The following DCC variants were observed in gnomAD, a reference collection of about 807,000 sequenced individuals.
DCC encodes DCC netrin 1 receptor.
DCC carries 58 observed loss-of-function variants against 172.5 expected under a neutral mutation model. That is an observed-to-expected ratio of 0.34 (90% CI 0.27 to 0.42). The LOEUF is 0.42. Among genes scored for constraint, DCC ranks in the 10% least tolerant of loss-of-function variants. DCC has a pLI of 1.00. For synonymous variants in DCC, 709 were observed against 644.5 expected (o/e 1.10, Z -1.52); for missense variants, 1,740 against 1,791.0 (o/e 0.97, Z 0.51).
intron 28 of DCC, among the ~76,000 whole-genome samples, chr18:53,529,169 G>A (rs369107305): frequency 1.3e-5 from 2 of 151,860 alleles, no homozygotes; most frequent in East Asian, 1.9e-4. Context: ...GTGTATGCCC[G>A]AATCATTCAC....
chr18:53,495,225 C>G (rs1166601233), intron 26 of DCC, among the ~76,000 whole-genome samples: 1 of 151,952 alleles, frequency 6.6e-6, no homozygotes, highest in East Asian at 1.9e-4. Flanking sequence ...AACCCCATTT[C>G]TACTAAAAAT....
At chr18:52,743,019 A>G (rs1187925367) in intron 1 of DCC, among the ~76,000 whole-genome samples, 1 of 152,216 alleles carries the variant, frequency 6.6e-6, no homozygotes, top group East Asian at 1.9e-4. Flanking sequence ...TTATTATGAT[A>G]TATGATTTTA....
intron 9 of DCC, among the ~76,000 whole-genome samples, chr18:53,195,833 A>G (rs1405784937): frequency 1.3e-5 from 2 of 152,106 alleles, no homozygotes; most frequent in African/African-American, 4.8e-5. Flanking sequence ...TGGAATTCCT[A>G]TATGTTTGGT....
rs16955813 is a variant in DCC at position 52,899,834 on chromosome 18, T to C, written c.413-6210T>C. ...TCTTTATGCTTTCCTAGTTATTGCT[T>C]GTGTTTCCTAAACTTTCCAATATTT... is the stretch of plus-strand genomic sequence containing the variant. On this transcript the variant is annotated intron_variant, in intron 2 of 28. Coordinates refer to ENST00000442544, the MANE Select transcript of DCC (RefSeq NM_005215.4). Among the ~76,000 whole-genome samples the C allele has an allele frequency of 2.1e-3, 313 of 152,256 alleles. 1 individual carries two copies. The highest frequency in any genetic ancestry group is 7.4e-3 in the African/African-American group (306 of 41,552).
chr18:52,736,765 C>A (rs532413722), intron 1 of DCC, among the ~76,000 whole-genome samples: 1 of 151,994 alleles, frequency 6.6e-6, no homozygotes, highest in African/African-American at 2.4e-5. Flanking sequence ...ATGACATTGA[C>A]GTAATATGAG....
intron 1 of DCC, among the ~76,000 whole-genome samples, chr18:52,343,884 G>C (rs1312596024): frequency 2.6e-5 from 4 of 152,324 alleles, no homozygotes; most frequent in Admixed American, 2.6e-4. Flanking sequence ...GTATGGCAGA[G>C]CCTGAGGGCT....
intron 12 of DCC, among the ~76,000 whole-genome samples, chr18:53,303,049 C>A (rs1380450161): frequency 6.6e-6 from 1 of 152,072 alleles, no homozygotes; most frequent in South Asian, 2.1e-4. Flanking sequence ...GTCATTTTAT[C>A]ATTTTTGCTA....
intron 1 of DCC, among the ~76,000 whole-genome samples, chr18:52,573,779 G>A (rs1341722068): frequency 6.6e-6 from 1 of 152,186 alleles, no homozygotes; most frequent in Admixed American, 6.5e-5. Context: ...AAGAAATTAA[G>A]TAACTGTATT....
At chr18:52,960,538 A>G (rs112185427) in intron 5 of DCC, among the ~76,000 whole-genome samples, 4 of 152,124 alleles carry the variant, frequency 2.6e-5, no homozygotes, top group Non-Finnish European at 4.4e-5. Context: ...AAAATTGACC[A>G]TGGTTCATCA....
At chr18:53,053,273 A>T (rs997409616) in intron 5 of DCC, among the ~76,000 whole-genome samples, 3 of 152,158 alleles carry the variant, frequency 2.0e-5, no homozygotes, top group African/African-American at 7.2e-5. Context: ...CTTTCCCCCA[A>T]ATTTCAGGAA....
At chr18:53,431,220 A>G (rs568109793) in intron 21 of DCC, among the ~76,000 whole-genome samples, 1 of 151,888 alleles carries the variant, frequency 6.6e-6, no homozygotes, top group Non-Finnish European at 1.5e-5. Flanking sequence ...TCCTGGTTCC[A>G]AAATCTAAGG....
chr18:53,306,508 T>C (rs1434140921), intron 13 of DCC, among the ~76,000 whole-genome samples: 1 of 152,216 alleles, frequency 6.6e-6, no homozygotes, highest in Non-Finnish European at 1.5e-5. Context: ...AACACAGCAC[T>C]TGCTAGGTCT....
intron 7 of DCC, among the ~76,000 whole-genome samples, chr18:53,117,683 C>T (rs73957094): frequency 0.019 from 2,422 of 126,738 alleles, 80 homozygotes; most frequent in African/African-American, 0.06. Context: ...GGTCAGCAAA[C>T]TTTTTTTTGT....
chr18:53,236,677 G>A (rs564537682), intron 12 of DCC, among the ~76,000 whole-genome samples: 6 of 151,992 alleles, frequency 3.9e-5, no homozygotes, highest in African/African-American at 1.4e-4. Context: ...TTTACCCCAA[G>A]GTATAAAGAT....
chr18:52,855,185 G>C (rs1004040123), intron 2 of DCC, among the ~76,000 whole-genome samples: 1 of 152,094 alleles, frequency 6.6e-6, no homozygotes, highest in Non-Finnish European at 1.5e-5. Context: ...CCAGCCTCCC[G>C]ATCAGTCCCC....
intron 28 of DCC, among the ~76,000 whole-genome samples, chr18:53,527,628 C>A: frequency 6.6e-6 from 1 of 150,856 alleles, no homozygotes; most frequent in South Asian, 2.1e-4. Flanking sequence ...AGGAAATAAG[C>A]TAAAAAGGGT....
intron 15 of DCC, among the ~76,000 whole-genome samples, chr18:53,351,291 G>A (rs1599052203): frequency 5.8e-5 from 2 of 34,448 alleles, no homozygotes; most frequent in Admixed American, 4.4e-4. Context: ...ATTGAGTACA[G>A]TATATATATA....
chr18:53,127,152 C>A (rs1369825502), intron 7 of DCC, among the ~76,000 whole-genome samples: 5 of 117,912 alleles, frequency 4.2e-5, no homozygotes, highest in African/African-American at 1.3e-4. Flanking sequence ...TTTTTTTTTT[C>A]ATTTAAATTT....
At chr18:52,656,036 GTGTGTATATATATGTATATA>G (rs1568277686) in intron 1 of DCC, among the ~76,000 whole-genome samples, 5 of 139,202 alleles carry the variant, frequency 3.6e-5, no homozygotes, top group African/African-American at 8.1e-5. Context: ...ATGTATATAT[GTGTGTATATATATGTATATA>G]TGTGTATATA....
Sources: allele counts gnomAD v4.1 joint callset (sites outside exome capture counted in the v4.1 genomes callset), GRCh38; gene constraint gnomAD v4.1.1; transcripts MANE v1.5; gene names NCBI Gene and HGNC (gene_info 2026-07-23, HGNC 2026-07-21).